The following BRINP3 variants were observed in gnomAD, a reference collection of about 807,000 sequenced individuals.
The protein encoded by BRINP3 is BMP/retinoic acid-inducible neural-specific protein 3.
Under a neutral mutation model 71.0 loss-of-function variants are expected in BRINP3, and 19 were observed. The observed-to-expected ratio is 0.27, with a 90% confidence interval of 0.19 to 0.39. BRINP3 has a LOEUF of 0.39. Among genes scored for constraint, BRINP3 ranks in the 10% least tolerant of loss-of-function variants. The pLI is 1.00. For missense variants in BRINP3, 959 were observed against 940.8 expected (o/e 1.02, Z -0.25); for synonymous variants, 380 against 337.7 (o/e 1.13, Z -1.37).
At chr1:190,272,887 T>C (rs1024233065) in intron 3 of BRINP3, among the ~76,000 whole-genome samples, 4 of 151,592 alleles carry the variant, frequency 2.6e-5, no homozygotes, top group African/African-American at 9.6e-5. Flanking sequence ...GAATATCCTG[T>C]TTAAAACCCT....
intron 7 of BRINP3, among the ~76,000 whole-genome samples, chr1:190,132,844 T>C (rs537276949): frequency 1.3e-5 from 2 of 152,252 alleles, no homozygotes; most frequent in East Asian, 3.9e-4. Flanking sequence ...AAAGGTTTTG[T>C]GTTTTCCTTC....
chr1:190,353,208 G>A (rs1270961905), intron 2 of BRINP3, among the ~76,000 whole-genome samples: 1 of 151,856 alleles, frequency 6.6e-6, no homozygotes, highest in Non-Finnish European at 1.5e-5. Context: ...AAAAACTATA[G>A]TAATCTGAGA....
intron 2 of BRINP3, among the ~76,000 whole-genome samples, chr1:190,417,174 A>G (rs769213563): frequency 3.3e-5 from 5 of 152,120 alleles, no homozygotes; most frequent in Non-Finnish European, 5.9e-5. Context: ...ATCACAAACT[A>G]AGGTAAATAA....
intron 2 of BRINP3, among the ~76,000 whole-genome samples, chr1:190,383,781 T>C (rs542020281): frequency 3.9e-5 from 6 of 152,126 alleles, no homozygotes; most frequent in Admixed American, 1.3e-4. Context: ...CTTCTGAATT[T>C]ATAAACATTA....
At chr1:190,327,623 A>G (rs1383135728) in intron 2 of BRINP3, among the ~76,000 whole-genome samples, 1 of 152,152 alleles carries the variant, frequency 6.6e-6, no homozygotes, top group East Asian at 1.9e-4. Flanking sequence ...ACATATACAC[A>G]TCTAATATTG....
chr1:190,351,910 C>G (rs1165504581), intron 2 of BRINP3, among the ~76,000 whole-genome samples: 1 of 151,884 alleles, frequency 6.6e-6, no homozygotes, highest in East Asian at 1.9e-4. Context: ...GTTGAAAGTT[C>G]TCTAGGAAGA....
chr1:190,130,532 A>G (rs1557992961), intron 7 of BRINP3, among the ~76,000 whole-genome samples: 1 of 152,010 alleles, frequency 6.6e-6, no homozygotes, highest in Non-Finnish European at 1.5e-5. Context: ...CCTCCTGTCC[A>G]CCACACTTCC....
intron 4 of BRINP3, among the ~76,000 whole-genome samples, chr1:190,246,231 C>CTA (rs563168648): frequency 1.2e-4 from 18 of 152,136 alleles, no homozygotes; most frequent in African/African-American, 4.1e-4. Context: ...AACTTTTCCA[C>CTA]TATATCTTCA....
intron 2 of BRINP3, among the ~76,000 whole-genome samples, chr1:190,369,127 T>C (rs1148614): frequency 0.8 from 122,156 of 152,002 alleles, 49,141 homozygotes; most frequent in South Asian, 0.85. Context: ...TAAGTATTCT[T>C]ATTTAATATC....
At chr1:190,452,297 T>A (rs940420197) in intron 2 of BRINP3, among the ~76,000 whole-genome samples, 1 of 152,222 alleles carries the variant, frequency 6.6e-6, no homozygotes, top group South Asian at 2.1e-4. Flanking sequence ...TCATTTGCAA[T>A]GTTTAAATGG....
intron 3 of BRINP3, among the ~76,000 whole-genome samples, chr1:190,272,895 CCTTA>C (rs1455073400): frequency 6.6e-6 from 1 of 151,272 alleles, no homozygotes; most frequent in Non-Finnish European, 1.5e-5. Context: ...TGTTTAAAAC[CCTTA>C]CTTACAACAG....
intron 7 of BRINP3, among the ~76,000 whole-genome samples, chr1:190,151,022 G>A (rs564463752): frequency 2.0e-5 from 3 of 152,150 alleles, no homozygotes; most frequent in South Asian, 4.2e-4. Context: ...TGGTGTGTGC[G>A]TGTAATATCA....
At chr1:190,432,545 A>C (rs554633128) in intron 2 of BRINP3, among the ~76,000 whole-genome samples, 1 of 152,306 alleles carries the variant, frequency 6.6e-6, no homozygotes, top group African/African-American at 2.4e-5. Context: ...TTTAGTGTCT[A>C]TAATTTCAGC....
chr1:190,463,283 A>T (rs1315603711), intron 1 of BRINP3, among the ~76,000 whole-genome samples: 3 of 151,726 alleles, frequency 2.0e-5, no homozygotes, highest in Non-Finnish European at 4.4e-5. Context: ...GACACTTAAT[A>T]TTTTGCTAAA....
At chr1:190,411,980 T>C (rs1489962404) in intron 2 of BRINP3, among the ~76,000 whole-genome samples, 1 of 152,152 alleles carries the variant, frequency 6.6e-6, no homozygotes, top group East Asian at 1.9e-4. Context: ...GACCCCAGCA[T>C]CCTCCTTTCC....
chr1:190,445,072 T>A (rs764571006), intron 2 of BRINP3, among the ~76,000 whole-genome samples: 56 of 152,012 alleles, frequency 3.7e-4, no homozygotes, highest in Non-Finnish European at 6.0e-4. Flanking sequence ...AATTATTATA[T>A]CCTAAGGCAG....
Position 190,141,372 on chromosome 1 carries a change from C to T in BRINP3, c.1184+19296G>A, listed in dbSNP as rs143544987. Among the ~76,000 whole-genome samples, 346 of 151,994 alleles carry T rather than the reference C, an allele frequency of 2.3e-3. 4 individuals carry two copies. Among genetic ancestry groups the T allele is most frequent in the Admixed American group, 0.021 (316 of 15,254 alleles). On this transcript the variant is annotated intron_variant, in intron 7 of 7. Transcript: ENST00000367462. ...TAATTTTATGCCTGGAATTTAAATC[C>T]ATATTCTTGATTGAGATGTTTGTTT...
At chr1:190,168,662 G>A (rs1651764177) in intron 6 of BRINP3, among the ~76,000 whole-genome samples, 1 of 152,094 alleles carries the variant, frequency 6.6e-6, no homozygotes, top group Admixed American at 6.6e-5. Flanking sequence ...TAAATCTAGA[G>A]TTACATTGCT....
At chr1:190,240,888 A>C (rs1034348648) in intron 4 of BRINP3, among the ~76,000 whole-genome samples, 1 of 149,120 alleles carries the variant, frequency 6.7e-6, no homozygotes, top group Non-Finnish European at 1.5e-5. Flanking sequence ...AAAAAAAAAA[A>C]AAAAAAAAAA....
Sources: allele counts gnomAD v4.1 joint callset (sites outside exome capture counted in the v4.1 genomes callset), GRCh38; gene constraint gnomAD v4.1.1; transcripts MANE v1.5; gene names NCBI Gene and HGNC (gene_info 2026-07-23, HGNC 2026-07-21).